The following ANKRD33B variants were observed in gnomAD, a reference collection of about 807,000 sequenced individuals.
ANKRD33B encodes the protein ankyrin repeat domain-containing protein 33B.
A neutral mutation model predicts 21.5 loss-of-function variants in ANKRD33B; 6 were observed. The ratio of observed to expected loss-of-function variants is 0.28; its 90% CI spans 0.15 to 0.55. The LOEUF is 0.55. Among genes scored for constraint, ANKRD33B ranks in the 20% least tolerant of loss-of-function variants. ANKRD33B has a pLI of 0.94. For synonymous variants in ANKRD33B, 347 were observed against 342.4 expected, an observed-to-expected ratio of 1.01 and a Z score of -0.15; for missense variants, 698 against 747.2, an observed-to-expected ratio of 0.93 and a Z score of 0.77.
intron 1 of ANKRD33B, among the ~76,000 whole-genome samples, chr5:10,596,106 CTTAA>C (rs2126564963): frequency 6.6e-6 from 1 of 152,328 alleles, no homozygotes; most frequent in South Asian, 2.1e-4. Flanking sequence ...AACAGAATGA[CTTAA>C]TTATGTACCA....
intron 2 of ANKRD33B, chr5:10,627,501 G>C (rs1387513637): frequency 6.8e-6 from 1 of 146,428 alleles, no homozygotes; most frequent in Non-Finnish European, 1.5e-5. Flanking sequence ...CCCGGGGACG[G>C]GGACAGAACG....
chr5:10,612,520 G>A (rs534942792), intron 1 of ANKRD33B, among the ~76,000 whole-genome samples: 51 of 152,334 alleles, frequency 3.3e-4, no homozygotes, highest in African/African-American at 1.1e-3. Context: ...CAAACGTTCC[G>A]TCCATGGCAG....
chr5:10,613,025 C>T (rs1005559429), intron 1 of ANKRD33B, among the ~76,000 whole-genome samples: 9 of 152,298 alleles, frequency 5.9e-5, no homozygotes, highest in African/African-American at 2.2e-4. Context: ...TTCTCACACT[C>T]GAGCATGGTA....
intron 1 of ANKRD33B, among the ~76,000 whole-genome samples, chr5:10,594,429 A>G (rs958402093): frequency 6.6e-6 from 1 of 151,818 alleles, no homozygotes; most frequent in Non-Finnish European, 1.5e-5. Flanking sequence ...TGTTGGTGAG[A>G]CTGGTTTTGA....
chr5:10,594,884 T>C (rs1262010385), intron 1 of ANKRD33B, among the ~76,000 whole-genome samples: 2 of 150,650 alleles, frequency 1.3e-5, no homozygotes, highest in East Asian at 3.9e-4. Flanking sequence ...GCAGCAGGAG[T>C]GGTGATTGTC....
At chr5:10,632,157 T>C (rs889614331) in intron 2 of ANKRD33B, among the ~76,000 whole-genome samples, 3 of 151,788 alleles carry the variant, frequency 2.0e-5, no homozygotes, top group Admixed American at 2.0e-4. Flanking sequence ...GGATTTCACT[T>C]TTCCTTCTCG....
At chr5:10,638,460 T>C (rs1477054555) in intron 3 of ANKRD33B, among the ~76,000 whole-genome samples, 1 of 152,232 alleles carries the variant, frequency 6.6e-6, no homozygotes, top group Non-Finnish European at 1.5e-5. Flanking sequence ...CCCCAAGTCC[T>C]GTCCATATCT....
chr5:10,575,699 T>C (rs1735305961), intron 1 of ANKRD33B, among the ~76,000 whole-genome samples: 1 of 152,174 alleles, frequency 6.6e-6, no homozygotes, highest in Non-Finnish European at 1.5e-5. Flanking sequence ...CCCTTGCTGA[T>C]TTAAAAATAA....
intron 1 of ANKRD33B, among the ~76,000 whole-genome samples, chr5:10,578,339 C>G (rs1234311606): frequency 3.9e-5 from 6 of 152,168 alleles, no homozygotes. Flanking sequence ...AGCTGAAGGA[C>G]CCACCAACAG....
At chr5:10,590,937 T>A (rs1735671983) in intron 1 of ANKRD33B, among the ~76,000 whole-genome samples, 1 of 152,012 alleles carries the variant, frequency 6.6e-6, no homozygotes, top group African/African-American at 2.4e-5. Context: ...TGCCTCCAAA[T>A]GGATATTTAG....
At chr5:10,594,406 C>T (rs1735775168) in intron 1 of ANKRD33B, among the ~76,000 whole-genome samples, 1 of 151,996 alleles carries the variant, frequency 6.6e-6, no homozygotes, top group African/African-American at 2.4e-5. Context: ...TTAGTAGAGA[C>T]AGGGTTTCTC....
intron 1 of ANKRD33B, among the ~76,000 whole-genome samples, chr5:10,591,782 G>A (rs1284980715): frequency 2.0e-5 from 3 of 149,418 alleles, no homozygotes; most frequent in African/African-American, 7.4e-5. Flanking sequence ...TACTCTTGGT[G>A]TATTTATGCT....
chr5:10,590,528 C>T (rs1411042684), intron 1 of ANKRD33B, among the ~76,000 whole-genome samples: 1 of 152,128 alleles, frequency 6.6e-6, no homozygotes, highest in African/African-American at 2.4e-5. Flanking sequence ...CACATGAGGC[C>T]CAGGATGACT....
At chr5:10,638,330 G>T (rs546804246) in intron 3 of ANKRD33B, among the ~76,000 whole-genome samples, 162 bp downstream of exon 3, 2 of 152,318 alleles carry the variant, frequency 1.3e-5, no homozygotes, top group Admixed American at 6.5e-5. Flanking sequence ...ACTATCTGAG[G>T]TTTTAAAAAA....
intron 1 of ANKRD33B, among the ~76,000 whole-genome samples, chr5:10,599,839 G>T (rs966183684): frequency 1.3e-5 from 2 of 152,280 alleles, no homozygotes; most frequent in Admixed American, 1.3e-4. Context: ...ACTCATTTGG[G>T]CATATACCTA....
In ANKRD33B at chr5:10,625,768, G is replaced by A. The variant is rs138225097; in HGVS notation, c.496+7306G>A. The stretch of plus-strand genomic sequence containing the variant: ...CTTAACTGTCCCAGTTACTGGACAG[G>A]TGGGCTTTTGAGTTAATCAACGGCA... On this transcript the variant is annotated intron_variant, in intron 2 of 3. Transcript: ENST00000296657. Among the ~76,000 whole-genome samples the A allele has an allele frequency of 7.4e-3, 1,128 of 152,340 alleles. 7 individuals are homozygous for A. The highest frequency in any genetic ancestry group is 0.02 in the South Asian group (96 of 4,832).
intron 3 of ANKRD33B, among the ~76,000 whole-genome samples, chr5:10,641,835 C>A (rs549030254): frequency 6.6e-6 from 1 of 151,924 alleles, no homozygotes; most frequent in Non-Finnish European, 1.5e-5. Flanking sequence ...CGAGTCCTAT[C>A]GATTGTACTT....
At chr5:10,615,804 A>G (rs6877729) in intron 1 of ANKRD33B, among the ~76,000 whole-genome samples, 138,494 of 152,308 alleles carry the variant, frequency 0.91, 63,229 homozygotes, top group Middle Eastern at 0.96. Flanking sequence ...AAAGAAGTTA[A>G]AAATGATTTT....
At chr5:10,623,182 A>G (rs1035165748) in intron 2 of ANKRD33B, among the ~76,000 whole-genome samples, 8 of 152,102 alleles carry the variant, frequency 5.3e-5, no homozygotes, top group African/African-American at 1.7e-4. Context: ...ATGTGCCTGG[A>G]GTGTTGAAAA....
Sources: allele counts gnomAD v4.1 joint callset (sites outside exome capture counted in the v4.1 genomes callset), GRCh38; gene constraint gnomAD v4.1.1; transcripts MANE v1.5; gene names NCBI Gene and HGNC (gene_info 2026-07-23, HGNC 2026-07-21).